Variants in PCDHA6 observed in about 807,000 individuals in gnomAD.
The protein encoded by PCDHA6 is protocadherin alpha 6, also known as protocadherin alpha-6.
PCDHA6 carries 55 observed loss-of-function variants against 60.3 expected under a neutral mutation model. The ratio of observed to expected loss-of-function variants is 0.91; its 90% confidence interval spans 0.73 to 1.14. The LOEUF (loss-of-function observed/expected upper bound fraction) is 1.14, where lower values mean the gene tolerates loss of function less well. Ranked by LOEUF, PCDHA6 falls within the 50% of genes most tolerant of loss-of-function variation. The pLI, the probability that PCDHA6 is intolerant of heterozygous loss-of-function variation, is 0.00. For synonymous variants in PCDHA6, 652 were observed against 557.9 expected, an observed-to-expected ratio of 1.17 and a Z score of -2.38; for missense variants, 1,327 against 1,256.5, an observed-to-expected ratio of 1.06 and a Z score of -0.85.
At chr5:140,947,147 C>A (rs1025959771) in intron 1 of PCDHA6, among the ~76,000 whole-genome samples, 1 of 151,270 alleles carries the variant, frequency 6.6e-6, no homozygotes, top group African/African-American at 2.4e-5. Flanking sequence ...TGTATAGTTA[C>A]TTCCACGGGG....
rs549259485 is a variant in PCDHA6, at chr5:140,926,218, A to C, written c.2395-52731A>C. 2.0e-5 allele frequency among the ~76,000 whole-genome samples: 3 copies of C among 152,070 alleles called. No individual in the cohort carries two copies. In the South Asian group the frequency reaches 6.3e-4, roughly 32 times the overall value. On this transcript the variant is annotated intron_variant, in intron 1 of 3. Coordinates refer to ENST00000529310, the MANE Select transcript of PCDHA6 (RefSeq NM_018909.4). ...TCTTTCGGGGGGCTCCTGTTTCCTT[A>C]AGCCTAGAAGGTGTGGTCGCTCACG...
intron 1 of PCDHA6, chr5:140,849,874 A>G: frequency 6.3e-7 from 1 of 1,598,610 alleles, no homozygotes. Flanking sequence ...CAGTCCGAGT[A>G]CACGGTGTTC....
At chr5:141,005,288 T>A (rs908780920) in intron 3 of PCDHA6, among the ~76,000 whole-genome samples, 1 of 152,176 alleles carries the variant, frequency 6.6e-6, no homozygotes. Flanking sequence ...AACAGATACA[T>A]TTTTTGCCTT....
intron 1 of PCDHA6, among the ~76,000 whole-genome samples, chr5:140,911,721 A>G (rs1442469379): frequency 6.6e-6 from 1 of 152,168 alleles, no homozygotes; most frequent in African/African-American, 2.4e-5. Context: ...GTAACTCTGT[A>G]AACAGTTCGT....
In PCDHA6 at chr5:140,988,105, A is replaced by C. The variant is rs2097283158; in HGVS notation, c.2542+5542A>C. On this transcript the variant is annotated intron_variant, in intron 3 of 3. Transcript: ENST00000529310. ...TGAGTGCAGCCTCGGGCCTTGTTGGAGAATTTAGAAAGCATGCTGTTCCAC... is the reference window on the plus strand; with the variant it reads ...TGAGTGCAGCCTCGGGCCTTGTTGGCGAATTTAGAAAGCATGCTGTTCCAC... Among the ~76,000 whole-genome samples the C allele has an allele frequency of 2.6e-5, 4 of 152,138 alleles. No individual in the cohort carries two copies. In the South Asian group the frequency reaches 8.3e-4, roughly 32 times the overall value.
chr5:140,914,130 A>G (rs552189632), intron 1 of PCDHA6, among the ~76,000 whole-genome samples: 2 of 152,146 alleles, frequency 1.3e-5, no homozygotes, highest in African/African-American at 4.8e-5. Flanking sequence ...TTCTTTGTTG[A>G]GTTTTTGTCT....
At chr5:140,884,020 G>A (rs61734917) in intron 1 of PCDHA6, 5 of 1,613,174 alleles carry the variant, frequency 3.1e-6, no homozygotes, top group East Asian at 2.2e-5. Flanking sequence ...TGCCGCGGTC[G>A]GTGGGTGCAG....
chr5:140,857,920 G>T (rs2045011675), intron 1 of PCDHA6: 2 of 1,597,702 alleles, frequency 1.3e-6, no homozygotes, highest in East Asian at 2.2e-5. Context: ...TTCGCGTGGG[G>T]CTGTACACGG....
chr5:140,891,885 C>T (rs546305739), intron 1 of PCDHA6, among the ~76,000 whole-genome samples: 22 of 152,288 alleles, frequency 1.4e-4, no homozygotes, highest in African/African-American at 2.2e-4. Context: ...TGTCATGTGA[C>T]GATGCAGCAA....
chr5:140,889,518 ATAT>A (rs2062258374), intron 1 of PCDHA6, among the ~76,000 whole-genome samples: 1 of 151,708 alleles, frequency 6.6e-6, no homozygotes, highest in South Asian at 2.1e-4. Flanking sequence ...TCCATTCTTG[ATAT>A]TATTTTTGCT....
Position 141,010,015 on chromosome 5 carries a change from C to T in PCDHA6, c.*78C>T, listed in dbSNP as rs1588250671. On this transcript the variant is annotated 3_prime_UTR_variant, in exon 4 of 4. Transcript: ENST00000529310. ...CTCTCCCATGTAGCAATTCCCTGCTCCTTTTTCCTATCTACATGAGCCCTC... is the reference window on the plus strand; with the variant it reads ...CTCTCCCATGTAGCAATTCCCTGCTTCTTTTTCCTATCTACATGAGCCCTC... 7 of 1,572,182 alleles carry T rather than the reference C, an allele frequency of 4.5e-6. No individual in the cohort carries two copies. In the East Asian group the frequency reaches 1.3e-4, roughly 30 times the overall value.
rs1160932490 is a variant in PCDHA6 at position 140,857,948 on chromosome 5, C to A, written c.2394+27463C>A. 4.4e-6 allele frequency: 7 copies of A among 1,597,438 alleles called. 1 individual carries two copies. Among genetic ancestry groups the A allele is most frequent in the Non-Finnish European group, 6.0e-6 (7 of 1,167,420 alleles). On this transcript the variant is annotated intron_variant, in intron 1 of 3. Transcript: ENST00000529310. ...GTACACGGGCGAGATCAGTACGACG[C>A]GCGCTCTGGATGAGACTGACTCGCC...
intron 1 of PCDHA6, among the ~76,000 whole-genome samples, chr5:140,902,520 T>C (rs1350068201): frequency 6.6e-6 from 1 of 152,116 alleles, no homozygotes; most frequent in Non-Finnish European, 1.5e-5. Context: ...TATATGGTTT[T>C]TATTATGTTG....
In PCDHA6 at chr5:140,984,045, T is replaced by C. The variant is rs77384794; in HGVS notation, c.2542+1482T>C. Among the ~76,000 whole-genome samples, 455 of 152,316 alleles carry C rather than the reference T, an allele frequency of 3.0e-3. 7 individuals carry two copies. In the East Asian group the frequency reaches 0.044, roughly 15 times the overall value. On this transcript the variant is annotated intron_variant, in intron 3 of 3. Transcript: ENST00000529310. ...AAGGGGAAAAACATAAAATAGTTCA[T>C]TGACAAATCTGTACCCTCAGTGCCA... is the stretch of plus-strand genomic sequence containing the variant.
At chr5:140,943,008 G>A (rs2093405058) in intron 1 of PCDHA6, among the ~76,000 whole-genome samples, 2 of 152,052 alleles carry the variant, frequency 1.3e-5, no homozygotes, top group African/African-American at 4.8e-5. Context: ...TGTAATCCCA[G>A]CACTTTGGGA....
intron 1 of PCDHA6, among the ~76,000 whole-genome samples, chr5:140,886,110 G>A (rs1332872994): frequency 6.6e-6 from 1 of 152,164 alleles, no homozygotes; most frequent in Non-Finnish European, 1.5e-5. Context: ...CAGTAAAGAA[G>A]TAACATAGTT....
intron 1 of PCDHA6, chr5:140,877,542 A>G (rs782391639): frequency 1.9e-6 from 3 of 1,613,752 alleles, no homozygotes; most frequent in Non-Finnish European, 2.5e-6. Flanking sequence ...TGGATCCCGA[A>G]GCGGCTCTGG....
At chr5:140,958,343 T>C (rs904666839) in intron 1 of PCDHA6, among the ~76,000 whole-genome samples, 2 of 152,144 alleles carry the variant, frequency 1.3e-5, no homozygotes, top group African/African-American at 4.8e-5. Flanking sequence ...TCACAGGAAG[T>C]TCACAGTCTG....
At chr5:140,871,679 A>G (rs2053261430) in intron 1 of PCDHA6, 2 of 1,116,800 alleles carry the variant, frequency 1.8e-6, no homozygotes, top group Admixed American at 3.1e-5. Flanking sequence ...TAATCATATG[A>G]ATAATCTGGC....
Sources: allele counts gnomAD v4.1 joint callset (sites outside exome capture counted in the v4.1 genomes callset), GRCh38; gene constraint gnomAD v4.1.1; transcripts MANE v1.5; gene names NCBI Gene and HGNC (gene_info 2026-07-23, HGNC 2026-07-21).